Variants in GPALPP1 observed in about 807,000 individuals in gnomAD.
GPALPP1 encodes the protein GPALPP motifs-containing protein 1.
A neutral mutation model predicts 38.9 loss-of-function variants in GPALPP1; 30 were observed. The observed-to-expected ratio is 0.77, with a 90% confidence interval of 0.58 to 1.05. GPALPP1 has a LOEUF of 1.05. GPALPP1 is among the 50% of genes least tolerant of loss of function. GPALPP1 has a pLI of 0.00. For synonymous variants in GPALPP1, 120 were observed against 139.2 expected (o/e 0.86, Z 0.97); for missense variants, 384 against 408.8 (o/e 0.94, Z 0.52).
chr13:44,992,898 A>G (rs944901263), intron 1 of GPALPP1, among the ~76,000 whole-genome samples: 5 of 152,186 alleles, frequency 3.3e-5, no homozygotes, highest in Non-Finnish European at 5.9e-5. Context: ...CTCTAGAACT[A>G]TTTTCATCTT....
chr13:45,023,677 C>T (rs926748897), intron 7 of GPALPP1, among the ~76,000 whole-genome samples: 1 of 152,096 alleles, frequency 6.6e-6, no homozygotes, highest in Admixed American at 6.6e-5. Flanking sequence ...TTAGGCCTTC[C>T]GCTTCCAACT....
chr13:45,017,414 G>A (rs576696839), intron 6 of GPALPP1, among the ~76,000 whole-genome samples: 1 of 152,282 alleles, frequency 6.6e-6, no homozygotes, highest in Non-Finnish European at 1.5e-5. Flanking sequence ...CAAAGGATGT[G>A]GATCCAAGAG....
At chr13:45,002,711 CAGAGTCTGCCTCCAAAGCA>C (rs1873787630) in intron 1 of GPALPP1, among the ~76,000 whole-genome samples, 1 of 152,190 alleles carries the variant, frequency 6.6e-6, no homozygotes, top group Non-Finnish European at 1.5e-5. Flanking sequence ...ATTCAAAGCA[CAGAGTCTGCCTCCAAAGCA>C]AGAGTCTGGC....
intron 7 of GPALPP1, 94 bp downstream of exon 7, chr13:45,020,522 G>C (rs1368461741): frequency 5.9e-6 from 4 of 677,658 alleles, no homozygotes; most frequent in Admixed American, 5.0e-5. Flanking sequence ...GATCACTTGA[G>C]ACGAAGAGTT....
intron 1 of GPALPP1, among the ~76,000 whole-genome samples, chr13:44,996,011 C>G (rs1873242973): frequency 6.6e-6 from 1 of 152,076 alleles, no homozygotes; most frequent in Non-Finnish European, 1.5e-5. Context: ...AGCAGGGTAC[C>G]CAGCACAAAG....
At chr13:45,011,229 A>G (rs1193905775) in intron 4 of GPALPP1, among the ~76,000 whole-genome samples, 1 of 152,134 alleles carries the variant, frequency 6.6e-6, no homozygotes, top group Non-Finnish European at 1.5e-5. Context: ...AAAGTAGGTA[A>G]GAGCTGTTCA....
intron 1 of GPALPP1, among the ~76,000 whole-genome samples, chr13:44,997,291 C>A (rs1873363499): frequency 1.3e-5 from 2 of 152,106 alleles, no homozygotes; most frequent in Non-Finnish European, 2.9e-5. Context: ...AGGGAGCACA[C>A]AGGTCTGAGA....
At chr13:45,021,537 C>T (rs1384972318) in intron 7 of GPALPP1, among the ~76,000 whole-genome samples, 2 of 151,834 alleles carry the variant, frequency 1.3e-5, no homozygotes, top group Non-Finnish European at 2.9e-5. Flanking sequence ...ATAATCCCAG[C>T]ACTTTGGAAT....
chr13:45,001,148 C>T (rs1207756504), intron 1 of GPALPP1, among the ~76,000 whole-genome samples: 2 of 152,118 alleles, frequency 1.3e-5, no homozygotes, highest in East Asian at 1.9e-4. Context: ...ATGCTGTTCT[C>T]GTGATAGTGA....
rs1345510721 is a variant in GPALPP1, at chr13:45,029,327, T to A, written c.*1324T>A. The A allele has an allele frequency of 6.6e-6, 1 of 152,188 alleles. No individual in the cohort carries two copies. Among genetic ancestry groups the A allele is most frequent in the Admixed American group, 6.5e-5 (1 of 15,282 alleles). 9.4% of individuals were successfully genotyped at this position (152,188 alleles called of 1,614,324 possible). ...TTTTTGGCTTCTTAAGATTAGAGAT[T>A]ACTTTAATCTTAAAAAACATACAAA... is the stretch of plus-strand genomic sequence containing the variant. On this transcript the variant is annotated 3_prime_UTR_variant, in exon 8 of 8. Transcript: ENST00000379151.
intron 1 of GPALPP1, among the ~76,000 whole-genome samples, chr13:45,000,835 A>G (rs1873620516): frequency 6.6e-6 from 1 of 152,216 alleles, no homozygotes; most frequent in African/African-American, 2.4e-5. Context: ...GGAGATAGGA[A>G]TCCCATCCAT....
In GPALPP1 at chr13:45,013,967, A is replaced by C. The variant is rs184128466; in HGVS notation, c.409-985A>C. On this transcript the variant is annotated intron_variant, in intron 4 of 7. Transcript: ENST00000379151. ...ATATTCTGTTTCTGATTTTCAGTTT[A>C]GTGTGTTTGGCCTAATTTTCTGTTT... 1.4e-4 allele frequency among the ~76,000 whole-genome samples: 21 copies of C among 152,252 alleles called. No individual in the cohort carries two copies. In the East Asian group the frequency reaches 3.7e-3, roughly 27 times the overall value.
At chr13:45,036,721 G>C (rs1876406398) in exon 8 of GPALPP1, 1 of 152,220 alleles carries the variant, frequency 6.6e-6, no homozygotes, top group African/African-American at 2.4e-5. Flanking sequence ...AAGACAGGAG[G>C]ATCACTTGAG....
chr13:44,989,884 C>T (rs755996860), intron 1 of GPALPP1, 142 bp downstream of exon 1: 2 of 626,092 alleles, frequency 3.2e-6, no homozygotes, highest in Admixed American at 2.9e-5. Flanking sequence ...CTTTTCTCTT[C>T]CCAAACAGTA....
At chr13:45,036,558 G>A (rs1876403057) in exon 8 of GPALPP1, 1 of 152,178 alleles carries the variant, frequency 6.6e-6, no homozygotes, top group South Asian at 2.1e-4. Context: ...GGCAGCTAAG[G>A]TATTAACTTC....
intron 6 of GPALPP1, among the ~76,000 whole-genome samples, chr13:45,019,368 G>A (rs370258932): frequency 4.6e-5 from 7 of 151,562 alleles, no homozygotes; most frequent in African/African-American, 7.3e-5. Flanking sequence ...GGGTGGTCTC[G>A]AACTCCTGAG....
Position 44,994,526 on chromosome 13 carries a change from C to T in GPALPP1, c.88+4784C>T, listed in dbSNP as rs542558401. 3.3e-5 allele frequency among the ~76,000 whole-genome samples: 5 copies of T among 152,240 alleles called. No homozygotes were observed. The South Asian group carries it at 1.0e-3, about 32-fold the overall frequency. On this transcript the variant is annotated intron_variant, in intron 1 of 7. Coordinates refer to ENST00000379151, the MANE Select transcript of GPALPP1 (RefSeq NM_018559.5). ...TACCTGGTCTTCTCTGTTCCTGCTG[C>T]CTACCATGTCCCATCCTACCTTGAA...
chr13:44,993,299 G>T (rs756542028), intron 1 of GPALPP1, among the ~76,000 whole-genome samples: 1 of 152,072 alleles, frequency 6.6e-6, no homozygotes, highest in Non-Finnish European at 1.5e-5. Flanking sequence ...TCTTTTGGTC[G>T]TATACCCAGA....
intron 1 of GPALPP1, among the ~76,000 whole-genome samples, chr13:44,995,203 C>CACACACACACA (rs10658655): frequency 4.9e-4 from 17 of 35,002 alleles, no homozygotes; most frequent in East Asian, 7.4e-3. Flanking sequence ...CACACACACA[C>CACACACACACA]CCCTTCTCTT....
Sources: allele counts gnomAD v4.1 joint callset (sites outside exome capture counted in the v4.1 genomes callset), GRCh38; gene constraint gnomAD v4.1.1; transcripts MANE v1.5; gene names NCBI Gene and HGNC (gene_info 2026-07-23, HGNC 2026-07-21).